Variants in GRIA4 observed in about 807,000 individuals in gnomAD.
GRIA4 encodes the protein glutamate ionotropic receptor AMPA type subunit 4.
A neutral mutation model predicts 104.0 loss-of-function variants in GRIA4; 34 were observed. The observed-to-expected ratio is 0.33, with a 90% confidence interval of 0.25 to 0.44. GRIA4 has a LOEUF of 0.44. Ranked by LOEUF, GRIA4 falls within the 20% of genes least tolerant of loss-of-function variation. The pLI, the probability that GRIA4 is intolerant of heterozygous loss-of-function variation, is 1.00. For synonymous variants in GRIA4, 386 were observed against 381.9 expected (o/e 1.01, Z -0.13); for missense variants, 750 against 1,096.5 (o/e 0.68, Z 4.46).
chr11:105,614,868 G>A (rs1326601021), intron 3 of GRIA4, among the ~76,000 whole-genome samples: 1 of 151,778 alleles, frequency 6.6e-6, no homozygotes, highest in Admixed American at 6.6e-5. Flanking sequence ...TCTAATTAAA[G>A]GTAAAACGTA....
At chr11:105,840,438 A>AG (rs1944350060) in intron 4 of GRIA4, among the ~76,000 whole-genome samples, 1 of 152,218 alleles carries the variant, frequency 6.6e-6, no homozygotes, top group Admixed American at 6.5e-5. Context: ...ACCGTCCCTC[A>AG]AATTTGACAG....
chr11:105,948,087 T>C (rs542494095), intron 14 of GRIA4, among the ~76,000 whole-genome samples: 1 of 152,160 alleles, frequency 6.6e-6, no homozygotes, highest in South Asian at 2.1e-4. Flanking sequence ...TAGCTTGTAA[T>C]CTCTGTTTCT....
intron 5 of GRIA4, 105 bp downstream of exon 5, chr11:105,862,313 T>A (rs767026234): frequency 6.0e-6 from 4 of 664,652 alleles, no homozygotes; most frequent in Non-Finnish European, 1.0e-5. Context: ...TAATTTGGAG[T>A]GTGAGGTTTG....
At chr11:105,661,997 GTGTGTGTGTT>G (rs1252839594) in intron 3 of GRIA4, among the ~76,000 whole-genome samples, 1 of 88,376 alleles carries the variant, frequency 1.1e-5, no homozygotes, top group Non-Finnish European at 2.3e-5. Context: ...AAAACTGTGT[GTGTGTGTGTT>G]TGTGTGTGTG....
rs527701449 is a variant in GRIA4 at position 105,697,861 on chromosome 11, C to T, written c.248-55120C>T. 3.5e-4 allele frequency among the ~76,000 whole-genome samples: 53 copies of T among 150,022 alleles called. 1 individual carries two copies. In the South Asian group the frequency reaches 9.9e-3, roughly 28 times the overall value. ...ACATATACTCATATGTGCATTTGGG[C>T]CTTTCTCTGGAGTGAAAGAGAGAGA... On this transcript the variant is annotated intron_variant, in intron 3 of 16. Coordinates refer to ENST00000282499, the MANE Select transcript of GRIA4 (RefSeq NM_000829.4).
chr11:105,830,195 G>C (rs1448859269), intron 4 of GRIA4, among the ~76,000 whole-genome samples: 1 of 151,976 alleles, frequency 6.6e-6, no homozygotes, highest in Non-Finnish European at 1.5e-5. Flanking sequence ...TGAGGTGACA[G>C]ACTTGTGTTT....
intron 3 of GRIA4, among the ~76,000 whole-genome samples, chr11:105,664,056 G>T (rs1952091728): frequency 1.3e-5 from 2 of 149,514 alleles, no homozygotes; most frequent in South Asian, 4.3e-4. Context: ...GTAGGAAAGA[G>T]TGTGAGCTTA....
upstream of GRIA4, chr11:105,610,023 G>C (rs1201568843): frequency 6.5e-6 from 1 of 152,970 alleles, no homozygotes; most frequent in Non-Finnish European, 1.5e-5. Context: ...GCTGTTTGCT[G>C]GTGAGAAATC....
chr11:105,911,078 A>T (rs1288378591), intron 10 of GRIA4, among the ~76,000 whole-genome samples: 1 of 152,128 alleles, frequency 6.6e-6, no homozygotes, highest in East Asian at 1.9e-4. Flanking sequence ...TAAATGATTT[A>T]GGAATTAATT....
At chr11:105,978,807 C>T (rs1003703696) in intron 16 of GRIA4, among the ~76,000 whole-genome samples, 1 of 152,104 alleles carries the variant, frequency 6.6e-6, no homozygotes, top group Non-Finnish European at 1.5e-5. Flanking sequence ...AATAACAGTG[C>T]CTGTTTCTCC....
chr11:105,711,650 T>TG (rs1953916173), intron 3 of GRIA4, among the ~76,000 whole-genome samples: 1 of 152,110 alleles, frequency 6.6e-6, no homozygotes, highest in Admixed American at 6.6e-5. Context: ...GAAATTATGA[T>TG]GAAATTACAT....
chr11:105,831,469 G>A (rs1442222030), intron 4 of GRIA4, among the ~76,000 whole-genome samples: 1 of 151,902 alleles, frequency 6.6e-6, no homozygotes, highest in African/African-American at 2.4e-5. Flanking sequence ...CACTGTTGGG[G>A]GCTATCTTTG....
At chr11:105,968,089 A>G (rs989420907) in intron 14 of GRIA4, among the ~76,000 whole-genome samples, 4 of 152,242 alleles carry the variant, frequency 2.6e-5, no homozygotes, top group Non-Finnish European at 4.4e-5. Context: ...GAAAATACAG[A>G]GAGAACTCAG....
intron 14 of GRIA4, 68 bp from the exon 15 acceptor site, chr11:105,971,845 TA>T: frequency 9.9e-7 from 1 of 1,005,210 alleles, no homozygotes; most frequent in South Asian, 1.4e-5. Context: ...CATGCGATTC[TA>T]ATGTAGTTTT....
intron 6 of GRIA4, among the ~76,000 whole-genome samples, chr11:105,895,510 G>A (rs981181074): frequency 6.6e-6 from 1 of 151,910 alleles, no homozygotes; most frequent in African/African-American, 2.4e-5. Context: ...TTGGTAGATA[G>A]GTGATAGATA....
intron 4 of GRIA4, among the ~76,000 whole-genome samples, chr11:105,793,672 A>C (rs1942322350): frequency 6.6e-6 from 1 of 152,158 alleles, no homozygotes; most frequent in African/African-American, 2.4e-5. Context: ...TTTCTGGAGA[A>C]CTTTAGCTCT....
chr11:105,620,093 C>T (rs1229291160), intron 3 of GRIA4, among the ~76,000 whole-genome samples: 1 of 151,850 alleles, frequency 6.6e-6, no homozygotes, highest in African/African-American at 2.4e-5. Context: ...TTTTCCCTAC[C>T]ATCACCACTC....
intron 3 of GRIA4, among the ~76,000 whole-genome samples, chr11:105,681,674 C>A (rs1485884497): frequency 6.6e-6 from 1 of 151,996 alleles, no homozygotes. Flanking sequence ...TTGTTGAATG[C>A]CTCATTAGTA....
chr11:105,841,232 CAA>C (rs547615865), intron 4 of GRIA4, among the ~76,000 whole-genome samples: 1 of 142,608 alleles, frequency 7.0e-6, no homozygotes, highest in African/African-American at 2.6e-5. Flanking sequence ...GTGGGTTCTT[CAA>C]AAAAAAAAAA....
Sources: gnomAD v4.1 joint callset for allele counts (sites outside exome capture counted in the v4.1 genomes callset) on GRCh38, gnomAD v4.1.1 for gene constraint, MANE v1.5 for transcripts, NCBI Gene and HGNC (gene_info 2026-07-23, HGNC 2026-07-21) for gene names.